Variants in RNF212B observed in about 807,000 individuals in gnomAD.
The protein encoded by RNF212B is ring finger protein 212B.
Under a neutral mutation model 55.5 loss-of-function variants are expected in RNF212B, and 52 were observed. That is an observed-to-expected ratio of 0.94 (90% CI 0.75 to 1.18). The LOEUF (loss-of-function observed/expected upper bound fraction) is 1.18. Among genes scored for constraint, RNF212B ranks in the 50% most tolerant of loss-of-function variants. RNF212B has a pLI of 0.00. For synonymous variants in RNF212B, 99 were observed against 121.4 expected (o/e 0.82, Z 1.21); for missense variants, 289 against 350.4 (o/e 0.82, Z 1.40).
At chr14:23,260,047 G>T in intron 6 of RNF212B, 103 bp downstream of exon 6, 2 of 573,560 alleles carry the variant, frequency 3.5e-6, no homozygotes, top group East Asian at 3.2e-5. Flanking sequence ...TCTCATCATG[G>T]CACACACAGA....
chr14:23,239,396 T>G (rs1883389955), intron 1 of RNF212B, among the ~76,000 whole-genome samples: 1 of 152,030 alleles, frequency 6.6e-6, no homozygotes, highest in Non-Finnish European at 1.5e-5. Context: ...GTATATTTCC[T>G]TCTGTGGAAG....
At chr14:23,242,661 T>C (rs1464611292) in intron 2 of RNF212B, among the ~76,000 whole-genome samples, 7 of 151,916 alleles carry the variant, frequency 4.6e-5, no homozygotes, top group East Asian at 1.9e-4. Flanking sequence ...CAGAAGAAAA[T>C]TGGGAATTTA....
intron 2 of RNF212B, among the ~76,000 whole-genome samples, chr14:23,202,083 T>C (rs1300024516): frequency 1.3e-5 from 2 of 151,938 alleles, no homozygotes; most frequent in Non-Finnish European, 2.9e-5. Flanking sequence ...AAACCCTATC[T>C]CTACTAAAAA....
chr14:23,267,924 C>A (rs150215034), intron 11 of RNF212B, among the ~76,000 whole-genome samples: 1 of 152,198 alleles, frequency 6.6e-6, no homozygotes, highest in East Asian at 1.9e-4. Context: ...CAGTTTCTGC[C>A]TTTTAATTCA....
chr14:23,187,566 G>T (rs1287052280), intron 1 of RNF212B, among the ~76,000 whole-genome samples: 1 of 152,172 alleles, frequency 6.6e-6, no homozygotes, highest in Non-Finnish European at 1.5e-5. Flanking sequence ...CAAAGGAATA[G>T]AGCACAAAGC....
intron 2 of RNF212B, among the ~76,000 whole-genome samples, chr14:23,218,375 A>AT (rs113099525): frequency 0.48 from 71,864 of 150,882 alleles, 17,790 homozygotes; most frequent in East Asian, 0.61. Context: ...CTCAAAAAAA[A>AT]AAATAAATAA....
At chr14:23,267,018 G>T (rs1885754316) in intron 11 of RNF212B, among the ~76,000 whole-genome samples, 1 of 152,124 alleles carries the variant, frequency 6.6e-6, no homozygotes, top group South Asian at 2.1e-4. Flanking sequence ...GTTGATGCTG[G>T]AGTGTAGTGG....
At chr14:23,240,908 T>G (rs960509634) in intron 2 of RNF212B, among the ~76,000 whole-genome samples, 1 of 152,214 alleles carries the variant, frequency 6.6e-6, no homozygotes, top group African/African-American at 2.4e-5. Flanking sequence ...TATGTAAGCC[T>G]CACCACAAGC....
At chr14:23,222,476 G>C (rs1881655365) in intron 2 of RNF212B, among the ~76,000 whole-genome samples, 1 of 152,062 alleles carries the variant, frequency 6.6e-6, no homozygotes, top group Non-Finnish European at 1.5e-5. Context: ...CAAGTAACAA[G>C]ATAGAAGTCA....
chr14:23,261,862 G>A (rs954306207), intron 7 of RNF212B, among the ~76,000 whole-genome samples: 1 of 152,086 alleles, frequency 6.6e-6, no homozygotes, highest in African/African-American at 2.4e-5. Flanking sequence ...CTGCTCGGGA[G>A]GCTGAGGCAG....
Position 23,238,198 on chromosome 14 carries a change from A to G in RNF212B, c.-2+143A>G, listed in dbSNP as rs17128051. On this transcript the variant is annotated intron_variant, in intron 1 of 14. Transcript: ENST00000430154. ...TTTTTATGTTGGGCTCATCTGGTCA[A>G]TTCAGGGGATGACATTGTTGCTGCC... 8.6e-3 allele frequency among the ~76,000 whole-genome samples: 1,303 copies of G among 152,232 alleles called. 12 individuals are homozygous for G. The highest frequency in any genetic ancestry group is 0.03 in the African/African-American group (1,244 of 41,536).
chr14:23,209,229 C>T (rs1037692721), intron 2 of RNF212B, among the ~76,000 whole-genome samples: 7 of 152,172 alleles, frequency 4.6e-5, no homozygotes, highest in African/African-American at 1.7e-4. Flanking sequence ...AGGTCACTCT[C>T]GTAGCCATTT....
intron 2 of RNF212B, among the ~76,000 whole-genome samples, chr14:23,210,776 C>CAAAAAAAAA (rs1160221876): frequency 0.39 from 23,126 of 59,882 alleles, 6,310 homozygotes; most frequent in Non-Finnish European, 0.46. Flanking sequence ...GACTCTGTCT[C>CAAAAAAAAA]AAAAAAAAAA....
In RNF212B at chr14:23,273,087, A is replaced by G. The variant is rs1055375; in HGVS notation, c.*196A>G. On this transcript the variant is annotated 3_prime_UTR_variant, in exon 15 of 15. Coordinates refer to ENST00000430154, the MANE Select transcript of RNF212B (RefSeq NM_001282322.3). The stretch of plus-strand genomic sequence containing the variant: ...CAGTGGTCAGGTCTTACAAAAGGCT[A>G]GTGCTTCAGGAAGATGTTTATATCT... 20,263 of 415,016 alleles carry G rather than the reference A, an allele frequency of 0.049. 663 individuals are homozygous for G. The highest frequency in any genetic ancestry group is 0.11 in the Middle Eastern group (198 of 1,750). The allele number at this position is 415,016 out of a possible 1,614,324, so 25.7% of individuals were successfully genotyped here.
intron 4 of RNF212B, among the ~76,000 whole-genome samples, chr14:23,245,993 G>A (rs1034918419): frequency 3.3e-5 from 5 of 152,112 alleles, no homozygotes; most frequent in Non-Finnish European, 7.4e-5. Context: ...TCTCTACAAA[G>A]ACTTAAGGCC....
At chr14:23,189,338 G>T (rs1276707559) in intron 1 of RNF212B, among the ~76,000 whole-genome samples, 1 of 152,152 alleles carries the variant, frequency 6.6e-6, no homozygotes, top group African/African-American at 2.4e-5. Context: ...TGAATGTGCT[G>T]TCTGTGTTCC....
At chr14:23,213,238 G>A (rs1217368736) in intron 2 of RNF212B, among the ~76,000 whole-genome samples, 1 of 151,820 alleles carries the variant, frequency 6.6e-6, no homozygotes, top group South Asian at 2.1e-4. Flanking sequence ...GCGTGAACCC[G>A]TGAGGCGGAG....
At chr14:23,197,203 C>T (rs553849505) in intron 2 of RNF212B, among the ~76,000 whole-genome samples, 49 of 152,328 alleles carry the variant, frequency 3.2e-4, no homozygotes, top group African/African-American at 1.2e-3. Flanking sequence ...TAAGTGGTCA[C>T]TGATGTTATC....
chr14:23,228,004 G>A (rs1046781230), intron 2 of RNF212B, among the ~76,000 whole-genome samples: 1 of 152,118 alleles, frequency 6.6e-6, no homozygotes, highest in Non-Finnish European at 1.5e-5. Context: ...GCCGAGGCAG[G>A]TGGATCACCT....
Sources: allele counts gnomAD v4.1 joint callset (sites outside exome capture counted in the v4.1 genomes callset), GRCh38; gene constraint gnomAD v4.1.1; transcripts MANE v1.5; gene names NCBI Gene and HGNC (gene_info 2026-07-23, HGNC 2026-07-21).